The following TOX variants were observed in gnomAD, a reference collection of about 807,000 sequenced individuals.
TOX encodes the protein thymocyte selection-associated high mobility group box protein TOX.
In TOX, 11 loss-of-function variants were observed where a neutral mutation model predicts 53.7. The observed-to-expected ratio is 0.20, with a 90% CI of 0.13 to 0.34. The LOEUF (loss-of-function observed/expected upper bound fraction) is 0.34, where lower values mean the gene tolerates loss of function less well. Ranked by LOEUF, TOX falls within the 10% of genes least tolerant of loss-of-function variation. TOX has a pLI of 1.00. For synonymous variants in TOX, 225 were observed against 245.3 expected, an observed-to-expected ratio of 0.92 and a Z score of 0.77; for missense variants, 570 against 664.6, an observed-to-expected ratio of 0.86 and a Z score of 1.56.
chr8:59,099,801 A>T (rs1416204834), intron 1 of TOX, among the ~76,000 whole-genome samples: 5 of 152,234 alleles, frequency 3.3e-5, no homozygotes. Flanking sequence ...AAATGAAATG[A>T]TAAAGAAAAA....
chr8:58,814,152 A>G (rs1441103822), intron 7 of TOX, among the ~76,000 whole-genome samples: 1 of 152,206 alleles, frequency 6.6e-6, no homozygotes, highest in African/African-American at 2.4e-5. Flanking sequence ...TAATAATAGT[A>G]GTAATAATAA....
chr8:58,947,389 G>A (rs1032068485), intron 2 of TOX, among the ~76,000 whole-genome samples: 2 of 152,080 alleles, frequency 1.3e-5, no homozygotes, highest in East Asian at 1.9e-4. Flanking sequence ...TTAAAATATT[G>A]TTGGTCCTTT....
At chr8:59,072,904 A>T (rs928407404) in intron 1 of TOX, among the ~76,000 whole-genome samples, 2 of 152,164 alleles carry the variant, frequency 1.3e-5, no homozygotes, top group Non-Finnish European at 2.9e-5. Context: ...TATTATTTAA[A>T]ATTGTTCTTG....
chr8:59,087,695 A>G (rs1447924466), intron 1 of TOX, among the ~76,000 whole-genome samples: 1 of 152,246 alleles, frequency 6.6e-6, no homozygotes, highest in Non-Finnish European at 1.5e-5. Flanking sequence ...AAAATGTTCG[A>G]GATGTTGGAG....
chr8:58,853,597 C>T (rs1006285811), intron 3 of TOX, among the ~76,000 whole-genome samples: 1 of 152,226 alleles, frequency 6.6e-6, no homozygotes, highest in African/African-American at 2.4e-5. Flanking sequence ...GTCTTTGATA[C>T]TTCCCACTGT....
At chr8:58,905,962 T>C (rs1034861304) in intron 3 of TOX, among the ~76,000 whole-genome samples, 1 of 152,218 alleles carries the variant, frequency 6.6e-6, no homozygotes, top group African/African-American at 2.4e-5. Flanking sequence ...TTCCTTTTAA[T>C]TACTGTCAAA....
At chr8:58,978,195 C>G (rs532798569) in intron 1 of TOX, among the ~76,000 whole-genome samples, 1 of 152,062 alleles carries the variant, frequency 6.6e-6, no homozygotes, top group Admixed American at 6.5e-5. Flanking sequence ...CCAAGGGGAT[C>G]TGCCTGGGAT....
In TOX at chr8:59,102,650, G is replaced by A. The variant is rs187737508; in HGVS notation, c.102+16236C>T. The stretch of plus-strand genomic sequence containing the variant: ...CCACCAGGTCTCTCCCACAAGACAA[G>A]GGAATTATGGGAGCTACAAGATGAG... On this transcript the variant is annotated intron_variant, in intron 1 of 8. Coordinates refer to ENST00000361421, the MANE Select transcript of TOX (RefSeq NM_014729.3). Among the ~76,000 whole-genome samples, 17 of 152,258 alleles carry A rather than the reference G, an allele frequency of 1.1e-4. 1 individual carries two copies. The highest frequency in any genetic ancestry group is 3.9e-4 in the African/African-American group (16 of 41,550).
At position 59,118,931 on chromosome 8, in the gene TOX, G is replaced by T. The variant is rs762917765; in HGVS notation, c.57C>A (p.Pro19=). Reference sequence around the variant, plus strand: ...CCAGGCAGGGAGAAGGTCCCAGACAGGGAGCGTCGGGCGCAGCGGCGGGCT... The same window carrying T: ...CCAGGCAGGGAGAAGGTCCCAGACATGGAGCGTCGGGCGCAGCGGCGGGCT... ...PAQPAAAPDA[P]CLGPSPCLDP... Residue 19 remains proline (P), a synonymous_variant, in exon 1 of 9, where the codon CCC becomes CCA. Transcript: ENST00000361421. The surrounding 1 kb of genome is among the most constrained non-coding windows in gnomAD (Gnocchi z 4.1). 3.1e-6 allele frequency: 5 copies of T among 1,601,686 alleles called. No individual in the cohort carries two copies. The highest frequency in any genetic ancestry group is 1.4e-5 in the African/African-American group (1 of 73,424).
intron 3 of TOX, among the ~76,000 whole-genome samples, chr8:58,896,359 G>T (rs1811646109): frequency 6.6e-6 from 1 of 152,100 alleles, no homozygotes; most frequent in African/African-American, 2.4e-5. Context: ...CTGGCCATCA[G>T]AATATACCAT....
At chr8:59,063,427 T>C (rs999012516) in intron 1 of TOX, among the ~76,000 whole-genome samples, 2 of 94,958 alleles carry the variant, frequency 2.1e-5, no homozygotes, top group African/African-American at 1.0e-4. Context: ...GGATATAGAC[T>C]TTTTTTTTTT....
chr8:59,028,413 T>C (rs1448046165), intron 1 of TOX, among the ~76,000 whole-genome samples: 1 of 152,170 alleles, frequency 6.6e-6, no homozygotes, highest in African/African-American at 2.4e-5. Context: ...TATTTTATAG[T>C]TTCTTAGACA....
chr8:58,995,813 C>T (rs894539323), intron 1 of TOX, among the ~76,000 whole-genome samples: 1 of 152,168 alleles, frequency 6.6e-6, no homozygotes, highest in African/African-American at 2.4e-5. Flanking sequence ...TGAATGAATC[C>T]TTACCAACAG....
Position 58,926,317 on chromosome 8 carries a change from G to T in TOX, c.411+12985C>A, listed in dbSNP as rs564403211. 2.6e-5 allele frequency among the ~76,000 whole-genome samples: 4 copies of T among 152,244 alleles called. No individual in the cohort carries two copies. The East Asian group carries it at 5.8e-4, about 22-fold the overall frequency. Reference sequence around the variant, plus strand: ...CCAGTCTTCTGGTCCTCACTCTGGGGTTTATCAAGAAGGCCCTGAGCCCAT... The same window carrying T: ...CCAGTCTTCTGGTCCTCACTCTGGGTTTTATCAAGAAGGCCCTGAGCCCAT... On this transcript the variant is annotated intron_variant, in intron 3 of 8. Transcript: ENST00000361421.
intron 1 of TOX, among the ~76,000 whole-genome samples, chr8:59,025,309 G>T (rs1814213681): frequency 1.3e-5 from 2 of 151,968 alleles, no homozygotes; most frequent in African/African-American, 4.8e-5. Flanking sequence ...AGAAAGAAAT[G>T]GTAAGTTCAT....
At chr8:58,888,069 C>T (rs1811501962) in intron 3 of TOX, among the ~76,000 whole-genome samples, 1 of 152,012 alleles carries the variant, frequency 6.6e-6, no homozygotes, top group Admixed American at 6.6e-5. Flanking sequence ...ATATTGTAGG[C>T]AACTGTTACA....
At chr8:59,009,323 T>C (rs1563416843) in intron 1 of TOX, among the ~76,000 whole-genome samples, 1 of 151,446 alleles carries the variant, frequency 6.6e-6, no homozygotes, top group Admixed American at 6.6e-5. Flanking sequence ...TCTTTCCTTC[T>C]TTCCTTCCTT....
At chr8:58,936,027 T>A (rs759821358) in intron 3 of TOX, among the ~76,000 whole-genome samples, 41 of 151,286 alleles carry the variant, frequency 2.7e-4, no homozygotes, top group Non-Finnish European at 4.1e-4. Flanking sequence ...AACCCCAGCC[T>A]CTTACCGCTG....
chr8:59,106,210 A>T (rs1586022980), intron 1 of TOX, among the ~76,000 whole-genome samples: 1 of 138,520 alleles, frequency 7.2e-6, no homozygotes, highest in African/African-American at 2.8e-5. Context: ...ACCCCAGGCC[A>T]GATCTTTTCT....
Sources: allele counts gnomAD v4.1 joint callset (sites outside exome capture counted in the v4.1 genomes callset), GRCh38; gene constraint gnomAD v4.1.1; non-coding constraint Gnocchi (gnomAD v3.1); transcripts MANE v1.5; gene names NCBI Gene and HGNC (gene_info 2026-07-23, HGNC 2026-07-21).